MUC5B: variants seen among roughly 807,000 people sequenced by gnomAD.
MUC5B encodes the protein mucin 5B, oligomeric mucus/gel-forming, also known as mucin-5B.
Under a neutral mutation model 376.9 loss-of-function variants are expected in MUC5B, and 116 were observed. That is an observed-to-expected ratio of 0.31 (90% CI 0.26 to 0.36). The LOEUF (loss-of-function observed/expected upper bound fraction) is 0.36. MUC5B is among the 10% of genes least tolerant of loss of function. MUC5B has a pLI of 1.00. For synonymous variants in MUC5B, 3,517 were observed against 3,390.9 expected, an observed-to-expected ratio of 1.04 and a Z score of -1.29; for missense variants, 7,165 against 7,769.9, an observed-to-expected ratio of 0.92 and a Z score of 2.93.
At chr11:1,240,417 G>T (rs992928718) in intron 30 of MUC5B, 42 bp downstream of exon 30, 1 of 1,521,118 alleles carries the variant, frequency 6.6e-7, no homozygotes, top group Admixed American at 1.9e-5. Context: ...TACCGTCTGG[G>T]TGACAAGGAG....
chr11:1,223,463 G>A (rs1861804351), intron 1 of MUC5B: 2 of 547,056 alleles, frequency 3.7e-6, no homozygotes, highest in Non-Finnish European at 3.4e-6. Context: ...GGAGACCACC[G>A]AAAGGGTCTT....
chr11:1,230,171 C>G lies in MUC5B; in HGVS notation c.1359+28C>G, dbSNP rs55826145. 8.3e-5 allele frequency: 130 copies of G among 1,565,488 alleles called. No individual in the cohort carries two copies. The African/African-American group carries it at 1.7e-3, about 20-fold the overall frequency. On this transcript the variant is annotated intron_variant, in intron 11 of 48. Transcript: ENST00000529681. ...CTGGGCTTGGGGCCGGGTCTTCAGA[C>G]ACCCAGACCCTCCTGGGACCCTCAT...
intron 38 of MUC5B, 159 bp from the exon 39 acceptor site, chr11:1,256,512 C>T (rs1862841139): frequency 2.3e-6 from 1 of 434,342 alleles, no homozygotes; most frequent in Admixed American, 4.3e-5. Context: ...CCACCCCAGC[C>T]CCACCCGTCC....
At position 1,255,558 on chromosome 11, in the gene MUC5B, G is replaced by A. The variant is rs1564952568; in HGVS notation, c.16066G>A (p.Asp5356Asn). The change falls in exon 37 of 49, where the codon GAC becomes AAC. Residue 5356 changes from aspartate to asparagine, a missense_variant and splice_region_variant. This residue lies in a region of MUC5B where 842 missense variants were observed against 1,016.9 expected (regional missense o/e 0.83). Transcript: ENST00000529681. Reference sequence around the variant, plus strand: ...GCGAGGTGCAACCGGTGGCCTGTGCGGTGAGTGGGGGCGGCCCCGGGCCCC... The same window carrying A: ...GCGAGGTGCAACCGGTGGCCTGTGCAGTGAGTGGGGGCGGCCCCGGGCCCC... Reference protein sequence around the residue: ...DWRGATGGLCDLTCPPTKVYK... With the variant: ...DWRGATGGLCNLTCPPTKVYK... The A allele has an allele frequency of 3.3e-6, 5 of 1,522,856 alleles. No homozygotes were observed. The highest frequency in any genetic ancestry group is 2.8e-5 in the African/African-American group (2 of 72,400). The allele number at this position is 1,522,856 out of a possible 1,614,324, so 94.3% of individuals were successfully genotyped here.
Position 1,238,921 on chromosome 11 carries a change from C to T in MUC5B, c.3348C>T (p.Cys1116=), listed in dbSNP as rs756519496. ...YEACVNDACA[C]DSGGDCECFC... The stretch of plus-strand genomic sequence containing the variant: ...CCTGCGTGAACGACGCGTGTGCCTG[C>T]GACTCGGGTGGCGACTGCGAGTGTT... The change falls in exon 26 of 49, where the codon TGC becomes TGT. Residue 1116 remains cysteine (C), a synonymous_variant. Transcript: ENST00000529681. The T allele has an allele frequency of 1.1e-5, 17 of 1,571,468 alleles. No homozygotes were observed. The highest frequency in any genetic ancestry group is 5.6e-5 in the Admixed American group (3 of 53,932).
intron 7 of MUC5B, 47 bp downstream of exon 7, chr11:1,227,828 G>A: frequency 1.5e-6 from 1 of 683,118 alleles, no homozygotes; most frequent in Non-Finnish European, 2.8e-6. Flanking sequence ...CGGCCTCCAG[G>A]TCCAGGGGGA....
rs767667781 is a variant in MUC5B, at chr11:1,232,177, C to A, written c.1843+17C>A. On this transcript the variant is annotated intron_variant, in intron 15 of 48. Transcript: ENST00000529681. ...TGGAGAATGGTACTCCTCGCCCCCA[C>A]CCCCACAGTCACCCCAGGCTCAAGT... 4 of 1,569,716 alleles carry A rather than the reference C, an allele frequency of 2.5e-6. No homozygotes were observed. The South Asian group carries it at 4.8e-5, about 19-fold the overall frequency.
rs56394097 is a variant in MUC5B at position 1,227,154 on chromosome 11, G to T, written c.576+9G>T. The T allele has an allele frequency of 0.029, 47,233 of 1,606,824 alleles. 894 individuals are homozygous for T. The highest frequency in any genetic ancestry group is 0.033 in the Non-Finnish European group (38,566 of 1,175,558). On this transcript the variant is annotated intron_variant, in intron 5 of 48. Coordinates refer to ENST00000529681, the MANE Select transcript of MUC5B (RefSeq NM_002458.3). ...GAGAGGACAGTGCCCTGGTGAGGAAGCCCCCTCGCCCCTTGCCCCTTCAGG... is the reference window on the plus strand; with the variant it reads ...GAGAGGACAGTGCCCTGGTGAGGAATCCCCCTCGCCCCTTGCCCCTTCAGG...
rs966311781 is a variant in MUC5B, at chr11:1,239,662, C to T, written c.3583+96C>T. 85 of 1,499,346 alleles carry T rather than the reference C, an allele frequency of 5.7e-5. 1 individual carries two copies. The highest frequency in any genetic ancestry group is 2.4e-4 in the Admixed American group (11 of 45,016). The allele number at this position is 1,499,346 out of a possible 1,614,324, so 92.9% of individuals were successfully genotyped here. A position where few individuals can be genotyped will look rare whatever the true frequency, so the allele number is the denominator to read the frequency against. ...TCCCCAGGGACGCGGTGTAGGCTCC[C>T]GTAAACTGCACAATGCAAGCCTTGA... On this transcript the variant is annotated intron_variant, in intron 27 of 48. Transcript: ENST00000529681.
At position 1,245,997 on chromosome 11, in the gene MUC5B, C is replaced by G. The variant is rs1394362094; in HGVS notation, c.9117C>G (p.Ala3039=). 5 of 1,613,016 alleles carry G rather than the reference C, an allele frequency of 3.1e-6. No homozygotes were observed. The highest frequency in any genetic ancestry group is 4.2e-6 in the Non-Finnish European group (5 of 1,179,596). The change falls in exon 31 of 49, where the codon GCC becomes GCG. Residue 3039 remains alanine, a synonymous_variant. Coordinates refer to ENST00000529681, the MANE Select transcript of MUC5B (RefSeq NM_002458.3). The part of the protein sequence containing the change: ...ATTPTATSSK[A]TSSSSPRTAT... The stretch of plus-strand genomic sequence containing the variant: ...CACCCACAGCCACCAGTTCCAAAGC[C>G]ACTTCCTCCTCCAGTCCAAGGACTG...
chr11:1,242,152 G>A lies in MUC5B; in HGVS notation c.5272G>A (p.Ala1758Thr). Residue 1758 changes from alanine (A) to threonine (T), a missense_variant, in exon 31 of 49, where the codon GCC becomes ACC. By Grantham distance (58) the Ala-to-Thr change is moderately conservative. Transcript: ENST00000529681. ...CACGAGCGAGCTGTCCACCTCTCAG[G>A]CCGAGACCAGCACGCCCAGGACAGA... is the stretch of plus-strand genomic sequence containing the variant. ...TLTSELSTSQ[A>T]ETSTPRTETT... 2 of 1,613,442 alleles carry A rather than the reference G, an allele frequency of 1.2e-6. No homozygotes were observed. Among genetic ancestry groups the A allele is most frequent in the African/African-American group, 2.7e-5 (2 of 75,020 alleles).
In MUC5B at chr11:1,242,915, C is replaced by T. The variant is rs201116743; in HGVS notation, c.6035C>T (p.Ser2012Phe). The change falls in exon 31 of 49, where the codon TCC becomes TTC. Residue 2012 changes from serine (S) to phenylalanine (F), a missense_variant. Coordinates refer to ENST00000529681, the MANE Select transcript of MUC5B (RefSeq NM_002458.3). ...ACCATGTCCACAGCCACACCCTCCT[C>T]CACTCCAGAGACTGCCCACACCTCC... ...TATMSTATPS[S>F]TPETAHTSTV... The T allele has an allele frequency of 8.7e-6, 14 of 1,613,596 alleles. No individual in the cohort carries two copies. Among genetic ancestry groups the T allele is most frequent in the African/African-American group, 1.3e-5 (1 of 74,854 alleles).
intron 25 of MUC5B, 74 bp downstream of exon 25, chr11:1,237,238 T>C: frequency 7.6e-7 from 1 of 1,311,464 alleles, no homozygotes; most frequent in Non-Finnish European, 9.7e-7. Flanking sequence ...AACTGGGTCT[T>C]CTGGGCAGAC....
At position 1,243,591 on chromosome 11, in the gene MUC5B, C is replaced by A. The variant is rs1189701534; in HGVS notation, c.6711C>A (p.Thr2237=). ...AGCCTTCCACGGTGACTTCCCACAC[C>A]CTAGCAGCAACCACCGGTACCACCC... ...ITEPSTVTSH[T]LAATTGTTQH... is the part of the protein sequence containing the mutation. Residue 2237 remains threonine (T), a synonymous_variant, in exon 31 of 49, where the codon ACC becomes ACA. Transcript: ENST00000529681. 3.7e-6 allele frequency: 6 copies of A among 1,608,794 alleles called. No homozygotes were observed. The East Asian group carries it at 9.0e-5, about 24-fold the overall frequency.
In MUC5B at chr11:1,228,833, G is replaced by A. The variant is rs1022224567; in HGVS notation, c.976+68G>A. 1.6e-4 allele frequency: 61 copies of A among 373,678 alleles called. 1 individual carries two copies. The highest frequency in any genetic ancestry group is 2.4e-4 in the Non-Finnish European group (58 of 237,100). The allele number at this position is 373,678 out of a possible 1,614,324, so 23.1% of individuals were successfully genotyped here. On this transcript the variant is annotated intron_variant, in intron 8 of 48. Coordinates refer to ENST00000529681, the MANE Select transcript of MUC5B (RefSeq NM_002458.3). Reference sequence around the variant, plus strand: ...AAGGGGCAGGGGGAGCGCCTTGGGGGCCACTGGGGGTGGGGAGGCCTGGGG... The same window carrying A: ...AAGGGGCAGGGGGAGCGCCTTGGGGACCACTGGGGGTGGGGAGGCCTGGGG...
chr11:1,251,550 T>C lies in MUC5B; in HGVS notation c.14670T>C (p.Thr4890=), dbSNP rs1862698544. ...CCATGGCCACTATGCCCACAGCCACTGCCTCCACGGTTCCCAGCTCGTCCA... is the reference window on the plus strand; with the variant it reads ...CCATGGCCACTATGCCCACAGCCACCGCCTCCACGGTTCCCAGCTCGTCCA... ...VTTMATMPTA[T]ASTVPSSSTV... Residue 4890 remains threonine (T), a synonymous_variant, in exon 31 of 49, where the codon ACT becomes ACC. Coordinates refer to ENST00000529681, the MANE Select transcript of MUC5B (RefSeq NM_002458.3). The C allele has an allele frequency of 6.2e-7, 1 of 1,603,972 alleles. No homozygotes were observed. The highest frequency in any genetic ancestry group is 1.1e-5 in the South Asian group (1 of 90,802).
At position 1,252,810 on chromosome 11, in the gene MUC5B, T is replaced by C. The variant is rs1272507118; in HGVS notation, c.15047T>C (p.Val5016Ala). ...GCDNAIPLRQ[V>A]NETWTLENCT... is the part of the protein sequence containing the mutation. ...GGACGTGCATGTTCCCTGCCCCAGGTGAATGAGACCTGGACCCTGGAGAAC... is the reference window on the plus strand; with the variant it reads ...GGACGTGCATGTTCCCTGCCCCAGGCGAATGAGACCTGGACCCTGGAGAAC... Residue 5016 changes from valine (V) to alanine (A), a missense_variant and splice_region_variant, in exon 33 of 49, where the codon GTG becomes GCG. Transcript: ENST00000529681. 3.1e-6 allele frequency: 5 copies of C among 1,605,480 alleles called. No individual in the cohort carries two copies. The highest frequency in any genetic ancestry group is 1.7e-4 in the Middle Eastern group (1 of 6,016).
rs377162420 is a variant in MUC5B, at chr11:1,244,958, C to T, written c.8078C>T (p.Thr2693Met). The change falls in exon 31 of 49, where the codon ACG becomes ATG. Residue 2693 changes from threonine (T) to methionine (M), a missense_variant. Coordinates refer to ENST00000529681, the MANE Select transcript of MUC5B (RefSeq NM_002458.3). ...GGTACTCCCCCATCACTGACCACCACGGCCACTACGATCACGGCCACCGGC... is the reference window on the plus strand; with the variant it reads ...GGTACTCCCCCATCACTGACCACCATGGCCACTACGATCACGGCCACCGGC... ...TSGTPPSLTT[T>M]ATTITATGST... 60 of 1,569,912 alleles carry T rather than the reference C, an allele frequency of 3.8e-5. No homozygotes were observed. The African/African-American group carries it at 4.2e-4, about 11-fold the overall frequency.
rs1032150554 is a variant in MUC5B, at chr11:1,248,715, A to T, written c.11835A>T (p.Pro3945=). The T allele has an allele frequency of 1.3e-6, 2 of 1,567,784 alleles. No homozygotes were observed. The highest frequency in any genetic ancestry group is 2.4e-5 in the East Asian group (1 of 41,354). ...SSSTQTSGTP[P]SLITTATTIT... ...GCACACAGACCAGTGGTACTCCCCC[A>T]TCACTGATCACCACGGCCACTACGA... is the stretch of plus-strand genomic sequence containing the variant. Residue 3945 remains proline, a synonymous_variant, in exon 31 of 49, where the codon CCA becomes CCT. Coordinates refer to ENST00000529681, the MANE Select transcript of MUC5B (RefSeq NM_002458.3).
Sources: gnomAD v4.1 joint callset for allele counts on GRCh38, gnomAD v4.1.1 for gene constraint, gnomAD v4.1.1 regional missense constraint, MANE v1.5 for transcripts, NCBI Gene and HGNC (gene_info 2026-07-23, HGNC 2026-07-21) for gene names.